UBE3B: variants seen among roughly 807,000 people sequenced by gnomAD.
UBE3B encodes ubiquitin-protein ligase E3B.
In UBE3B, 80 loss-of-function variants were observed where a neutral mutation model predicts 132.3. That is an observed-to-expected ratio of 0.60 (90% CI 0.50 to 0.73). The LOEUF (loss-of-function observed/expected upper bound fraction) is 0.73. Among genes scored for constraint, UBE3B ranks in the 30% least tolerant of loss-of-function variants. UBE3B has a pLI of 0.00. For missense variants in UBE3B, 1,196 were observed against 1,362.5 expected (o/e 0.88, Z 1.92); for synonymous variants, 487 against 520.4 (o/e 0.94, Z 0.87).
chr12:109,511,189 G>GTCTT lies in UBE3B; in HGVS notation c.1857-10_1857-7dup. On this transcript the variant is annotated splice_polypyrimidine_tract_variant and intron_variant, in intron 17 of 27. Transcript: ENST00000342494. ...CTTCTTTTAATTCTCCCAAACCCAT[G>GTCTT]TCTTTCTTCTCAAGGGATCTCAAAC... 2 of 1,613,100 alleles carry GTCTT rather than the reference G, an allele frequency of 1.2e-6. No homozygotes were observed. The highest frequency in any genetic ancestry group is 1.7e-6 in the Non-Finnish European group (2 of 1,179,258).
chr12:109,486,409 T>C (rs1457482191), intron 5 of UBE3B, 62 bp from the exon 6 acceptor site: 1 of 1,363,428 alleles, frequency 7.3e-7, no homozygotes, highest in African/African-American at 1.5e-5. Flanking sequence ...TTCCAACAGT[T>C]AGAGCACAAG....
At chr12:109,528,896 C>T (rs1882661976) in intron 24 of UBE3B, among the ~76,000 whole-genome samples, 1 of 151,554 alleles carries the variant, frequency 6.6e-6, no homozygotes, top group South Asian at 2.1e-4. Context: ...TGGTGGCTCA[C>T]ATCTGTAATC....
chr12:109,481,405 G>A (rs1255501582), intron 1 of UBE3B, among the ~76,000 whole-genome samples: 1 of 151,868 alleles, frequency 6.6e-6, no homozygotes, highest in African/African-American at 2.4e-5. Flanking sequence ...CATCACAGCT[G>A]TAATTCAACA....
chr12:109,526,843 C>T (rs1388237163), intron 24 of UBE3B, among the ~76,000 whole-genome samples: 1 of 150,114 alleles, frequency 6.7e-6, no homozygotes. Flanking sequence ...CGCACTCCAG[C>T]CTGGGCGACA....
chr12:109,515,604 G>C (rs1880939551), intron 18 of UBE3B, among the ~76,000 whole-genome samples: 1 of 151,682 alleles, frequency 6.6e-6, no homozygotes, highest in South Asian at 2.1e-4. Flanking sequence ...CCCGACCTCA[G>C]GTGATCCACC....
At chr12:109,499,574 G>T in intron 11 of UBE3B, 59 bp from the exon 12 acceptor site, 1 of 1,449,996 alleles carries the variant, frequency 6.9e-7, no homozygotes, top group South Asian at 1.4e-5. Flanking sequence ...AGGGAGCAGG[G>T]CCGGGAGGCA....
intron 18 of UBE3B, among the ~76,000 whole-genome samples, chr12:109,515,589 G>A (rs530893114): frequency 6.6e-6 from 1 of 151,964 alleles, no homozygotes; most frequent in Non-Finnish European, 1.5e-5. Context: ...GGCTGGTCTC[G>A]AACTCCCGAC....
rs779906381 is a variant in UBE3B at position 109,486,478 on chromosome 12, A to G, written c.350A>G (p.Tyr117Cys). 1.3e-6 allele frequency: 2 copies of G among 1,526,634 alleles called. No homozygotes were observed. Among genetic ancestry groups the G allele is most frequent in the Non-Finnish European group, 1.8e-6 (2 of 1,128,320 alleles). The allele number at this position is 1,526,634 out of a possible 1,614,324, so 94.6% of individuals were successfully genotyped here. ...MDAENEPKVW[Y>C]VSLACSKDLT... ...TCTTTTTCCCACCTATAGGTGTGGT[A>G]TGTGTCCCTGGCTTGTTCTAAGGAC... The change falls in exon 6 of 28, where the codon TAT (tyrosine) becomes TGT (cysteine). Residue 117 changes from tyrosine to cysteine, a missense_variant. Tyr to Cys is a radical substitution (Grantham distance 194). Transcript: ENST00000342494.
At position 109,507,562 on chromosome 12, in the gene UBE3B, A is replaced by G; in HGVS notation, c.1451-2A>G. 6.2e-7 allele frequency: 1 copy of G among 1,609,404 alleles called. No individual in the cohort carries two copies. Among genetic ancestry groups the G allele is most frequent in the Non-Finnish European group, 8.5e-7 (1 of 1,177,932 alleles). On this transcript the variant is annotated splice_acceptor_variant, in intron 14 of 27. Coordinates refer to ENST00000342494, the MANE Select transcript of UBE3B (RefSeq NM_130466.4). LOFTEE classifies it high-confidence loss of function. ...GCTTGGGTTTCTCTGTGTTTTTTCC[A>G]GGTCTCACTTACCTTGATGACCTGC... is the stretch of plus-strand genomic sequence containing the variant.
At chr12:109,517,763 C>T (rs1881238538) in intron 19 of UBE3B, among the ~76,000 whole-genome samples, 1 of 152,184 alleles carries the variant, frequency 6.6e-6, no homozygotes, top group Admixed American at 6.5e-5. Flanking sequence ...TGAGCCTGTC[C>T]TGTAGTGTAG....
chr12:109,489,651 A>G (rs1877094354), intron 7 of UBE3B, among the ~76,000 whole-genome samples: 2 of 152,234 alleles, frequency 1.3e-5, no homozygotes, highest in Non-Finnish European at 2.9e-5. Flanking sequence ...ACAGGCGCTC[A>G]GAGGCCAGAG....
At chr12:109,516,231 G>A (rs1881038923) in intron 18 of UBE3B, among the ~76,000 whole-genome samples, 1 of 144,462 alleles carries the variant, frequency 6.9e-6, no homozygotes, top group Admixed American at 7.1e-5. Flanking sequence ...GAGTGCAGTG[G>A]CACGATCTTG....
Position 109,486,593 on chromosome 12 carries a change from A to G in UBE3B, c.447+18A>G. 1 of 1,552,884 alleles carries G rather than the reference A, an allele frequency of 6.4e-7. No homozygotes were observed. The highest frequency in any genetic ancestry group is 8.7e-7 in the Non-Finnish European group (1 of 1,151,804). On this transcript the variant is annotated intron_variant, in intron 6 of 27. Coordinates refer to ENST00000342494, the MANE Select transcript of UBE3B (RefSeq NM_130466.4). ...AGCTCAAGGTAACAAAAAAAAAAAA[A>G]AAAAAAAAAAGCAAAACCAGAAACA...
rs530147848 is a variant in UBE3B at position 109,527,780 on chromosome 12, G to A, written c.2627+1364G>A. Among the ~76,000 whole-genome samples, 11 of 152,330 alleles carry A rather than the reference G, an allele frequency of 7.2e-5. No individual in the cohort carries two copies. In the South Asian group the frequency reaches 2.3e-3, roughly 32 times the overall value. On this transcript the variant is annotated intron_variant, in intron 24 of 27. Coordinates refer to ENST00000342494, the MANE Select transcript of UBE3B (RefSeq NM_130466.4). ...CCTGCCCCTGCCTGCCATGTAACCTGTAGCCATTCCTTTAGGGGGGTGCTT... is the reference window on the plus strand; with the variant it reads ...CCTGCCCCTGCCTGCCATGTAACCTATAGCCATTCCTTTAGGGGGGTGCTT...
At chr12:109,481,973 C>G (rs927258949) in intron 2 of UBE3B, among the ~76,000 whole-genome samples, 1 of 152,114 alleles carries the variant, frequency 6.6e-6, no homozygotes, top group Non-Finnish European at 1.5e-5. Context: ...TTTGACAGAT[C>G]ACTGTTGAGA....
At chr12:109,498,172 C>A in intron 10 of UBE3B, 61 bp from the exon 11 acceptor site, 9 of 1,595,622 alleles carry the variant, frequency 5.6e-6, no homozygotes, top group Non-Finnish European at 6.8e-6. Flanking sequence ...TGATCAAGTT[C>A]ACTCTCTACA....
At chr12:109,487,740 G>A (rs991076846) in intron 6 of UBE3B, among the ~76,000 whole-genome samples, 12 of 152,200 alleles carry the variant, frequency 7.9e-5, no homozygotes, top group African/African-American at 2.4e-4. Context: ...GACGTCAGGA[G>A]AAAAAGGGCC....
intron 2 of UBE3B, 37 bp from the exon 3 acceptor site, chr12:109,483,494 A>T: frequency 6.6e-7 from 1 of 1,510,986 alleles, no homozygotes; most frequent in Non-Finnish European, 8.8e-7. Flanking sequence ...TTTTCACACA[A>T]CAATCTACAA....
chr12:109,538,411 T>C (rs1437229308), downstream of UBE3B, among the ~76,000 whole-genome samples: 1 of 152,178 alleles, frequency 6.6e-6, no homozygotes, highest in Non-Finnish European at 1.5e-5. This position sits in a 1 kb window ranked among gnomAD's most constrained non-coding sequence, Gnocchi z 4.1. Context: ...ATCGCAGAGA[T>C]GTGTGAGCAA....
Sources: gnomAD v4.1 joint callset for allele counts (sites outside exome capture counted in the v4.1 genomes callset) on GRCh38, gnomAD v4.1.1 for gene constraint, Gnocchi (gnomAD v3.1) non-coding constraint, MANE v1.5 for transcripts, NCBI Gene and HGNC (gene_info 2026-07-23, HGNC 2026-07-21) for gene names.